Variants in DOCK4 observed in about 807,000 individuals in gnomAD.
DOCK4 encodes the protein dedicator of cytokinesis 4, also known as dedicator of cytokinesis protein 4.
Under a neutral mutation model 268.1 loss-of-function variants are expected in DOCK4, and 97 were observed. The ratio of observed to expected loss-of-function variants is 0.36; its 90% CI spans 0.31 to 0.43. DOCK4 has a LOEUF of 0.43. Ranked by LOEUF, DOCK4 falls within the 20% of genes least tolerant of loss-of-function variation. The probability of loss-of-function intolerance (pLI) is 1.00; values close to 1 mark genes in which losing one functional copy is unlikely to be tolerated. For synonymous variants in DOCK4, 954 were observed against 887.2 expected, an observed-to-expected ratio of 1.08 and a Z score of -1.34; for missense variants, 2,145 against 2,455.7, an observed-to-expected ratio of 0.87 and a Z score of 2.67.
chr7:112,159,666 C>T (rs75621817), intron 1 of DOCK4, among the ~76,000 whole-genome samples: 2,194 of 152,042 alleles, frequency 0.014, 51 homozygotes, highest in African/African-American at 0.049. Flanking sequence ...GACCCTCCTA[C>T]CCCAGACGCT....
intron 24 of DOCK4, among the ~76,000 whole-genome samples, chr7:111,846,594 CG>C (rs1563583156): frequency 6.6e-6 from 1 of 150,512 alleles, no homozygotes; most frequent in Non-Finnish European, 1.5e-5. Context: ...CCAGGGGACC[CG>C]GCCCAAGGAC....
At chr7:112,077,843 C>T (rs1022831454) in intron 1 of DOCK4, among the ~76,000 whole-genome samples, 1 of 151,964 alleles carries the variant, frequency 6.6e-6, no homozygotes, top group African/African-American at 2.4e-5. Context: ...AATCAGTAAA[C>T]TTATCAGTTA....
At chr7:112,143,870 A>G (rs1815168138) in intron 1 of DOCK4, among the ~76,000 whole-genome samples, 1 of 152,204 alleles carries the variant, frequency 6.6e-6, no homozygotes, top group Non-Finnish European at 1.5e-5. Context: ...TCTCAATCAC[A>G]GCACTTGCAG....
At chr7:112,173,825 T>C (rs1250354256) in intron 1 of DOCK4, among the ~76,000 whole-genome samples, 3 of 152,040 alleles carry the variant, frequency 2.0e-5, no homozygotes, top group African/African-American at 4.8e-5. Flanking sequence ...CTAAGCAGCA[T>C]GATGGCCAAC....
intron 26 of DOCK4, among the ~76,000 whole-genome samples, chr7:111,826,730 A>G (rs1802423825): frequency 6.6e-6 from 1 of 152,056 alleles, no homozygotes; most frequent in Non-Finnish European, 1.5e-5. Flanking sequence ...ATTACAAAAG[A>G]AGGGAGGGAG....
intron 1 of DOCK4, among the ~76,000 whole-genome samples, chr7:112,095,372 G>C (rs1810028429): frequency 6.6e-6 from 1 of 152,164 alleles, no homozygotes; most frequent in African/African-American, 2.4e-5. Context: ...TTTAGATTTA[G>C]TTTTAAATCA....
chr7:111,876,275 CT>C (rs1449802568), intron 17 of DOCK4, among the ~76,000 whole-genome samples: 3 of 151,990 alleles, frequency 2.0e-5, no homozygotes, highest in Non-Finnish European at 4.4e-5. Flanking sequence ...GTTACATTTT[CT>C]TTTTTTCTGA....
At chr7:111,889,585 C>T (rs900194028) in intron 16 of DOCK4, among the ~76,000 whole-genome samples, 2 of 152,030 alleles carry the variant, frequency 1.3e-5, no homozygotes, top group East Asian at 1.9e-4. Context: ...AAGGTAGTGG[C>T]CAGTGAAGTG....
intron 1 of DOCK4, among the ~76,000 whole-genome samples, chr7:112,114,772 A>T (rs893758823): frequency 6.6e-6 from 1 of 152,238 alleles, no homozygotes; most frequent in Non-Finnish European, 1.5e-5. Context: ...TAAAAATTAC[A>T]ATCACTACAG....
At chr7:112,106,555 A>C (rs1811162645) in intron 1 of DOCK4, among the ~76,000 whole-genome samples, 1 of 152,196 alleles carries the variant, frequency 6.6e-6, no homozygotes, top group Admixed American at 6.5e-5. Flanking sequence ...TTTAAGCCTC[A>C]TATGTTTTCA....
chr7:111,760,056 A>C, intron 40 of DOCK4, 125 bp downstream of exon 40: 2 of 1,185,004 alleles, frequency 1.7e-6, no homozygotes, highest in Non-Finnish European at 2.4e-6. Context: ...GATGATGGGA[A>C]AGAGGGAGCA....
chr7:112,082,136 G>C (rs1371602624), intron 1 of DOCK4, among the ~76,000 whole-genome samples: 1 of 152,110 alleles, frequency 6.6e-6, no homozygotes, highest in African/African-American at 2.4e-5. Context: ...TGGTAGGAAG[G>C]GTAGATGCAG....
chr7:111,773,743 G>A (rs1469623873), intron 36 of DOCK4, among the ~76,000 whole-genome samples: 12 of 152,080 alleles, frequency 7.9e-5, no homozygotes, highest in Non-Finnish European at 1.5e-5. Context: ...TGGGCCAGGT[G>A]CGGTAGCTCA....
intron 30 of DOCK4, among the ~76,000 whole-genome samples, chr7:111,801,432 T>C (rs889390120): frequency 1.3e-5 from 2 of 152,194 alleles, no homozygotes; most frequent in African/African-American, 4.8e-5. Flanking sequence ...CATGTGTGCG[T>C]GTCCTTTTAT....
At chr7:112,082,334 G>T (rs1200536496) in intron 1 of DOCK4, among the ~76,000 whole-genome samples, 2 of 152,114 alleles carry the variant, frequency 1.3e-5, no homozygotes, top group Non-Finnish European at 2.9e-5. Flanking sequence ...GCCCCCATTT[G>T]TGGGTCTGAA....
intron 1 of DOCK4, among the ~76,000 whole-genome samples, chr7:112,173,260 A>T (rs1818231591): frequency 6.6e-6 from 1 of 152,230 alleles, no homozygotes; most frequent in Non-Finnish European, 1.5e-5. Flanking sequence ...AAGAAATAGC[A>T]AAAGGGATGA....
intron 16 of DOCK4, among the ~76,000 whole-genome samples, chr7:111,889,009 C>G (rs1226180278): frequency 6.6e-6 from 1 of 152,060 alleles, no homozygotes; most frequent in Non-Finnish European, 1.5e-5. Flanking sequence ...TAAGGCAGAA[C>G]ATTTTGGGAG....
At chr7:112,031,390 C>T (rs946133826) in intron 1 of DOCK4, among the ~76,000 whole-genome samples, 1 of 152,210 alleles carries the variant, frequency 6.6e-6, no homozygotes, top group Non-Finnish European at 1.5e-5. Flanking sequence ...AACCTTAATT[C>T]CACTTTCTTA....
At chr7:111,784,473 G>GT (rs1402961001) in intron 32 of DOCK4, 2 of 513,390 alleles carry the variant, frequency 3.9e-6, no homozygotes, top group Non-Finnish European at 7.6e-6. Flanking sequence ...GACGTTTTGC[G>GT]TTTTTTCCTT....
Sources: allele counts gnomAD v4.1 joint callset (sites outside exome capture counted in the v4.1 genomes callset), GRCh38; gene constraint gnomAD v4.1.1; transcripts MANE v1.5; gene names NCBI Gene and HGNC (gene_info 2026-07-23, HGNC 2026-07-21).